MCPH1: variants seen among roughly 807,000 people sequenced by gnomAD.
The protein encoded by MCPH1 is microcephalin.
In MCPH1, 104 loss-of-function variants were observed where a neutral mutation model predicts 84.5. The ratio of observed to expected loss-of-function variants is 1.23; its 90% CI spans 1.05 to 1.45. MCPH1 has a LOEUF of 1.45. Ranked by LOEUF, MCPH1 falls within the 40% of genes most tolerant of loss-of-function variation. MCPH1 has a pLI of 0.00. For synonymous variants in MCPH1, 514 were observed against 366.8 expected (o/e 1.40, Z -4.58); for missense variants, 1,498 against 1,005.7 (o/e 1.49, Z -6.62).
intron 12 of MCPH1, among the ~76,000 whole-genome samples, chr8:6,584,901 C>G (rs1435120043): frequency 6.6e-6 from 1 of 152,188 alleles, no homozygotes; most frequent in Non-Finnish European, 1.5e-5. Context: ...CAGAGATAAT[C>G]TCAGAAATAT....
At position 6,648,135 on chromosome 8, in the gene MCPH1, G is replaced by A. The variant is rs1192522204; in HGVS notation, c.*5086G>A. 6.6e-6 allele frequency: 1 copy of A among 152,144 alleles called. No individual in the cohort carries two copies. Among genetic ancestry groups the A allele is most frequent in the East Asian group, 1.9e-4 (1 of 5,186 alleles). 9.4% of individuals were successfully genotyped at this position (152,144 alleles called of 1,614,324 possible). On this transcript the variant is annotated 3_prime_UTR_variant, in exon 14 of 14. Transcript: ENST00000344683. Reference sequence around the variant, plus strand: ...CTCTGCAGTCCCCAGCCAATACGTGGGCACAGAAAGGCACAGGGCATGGCT... The same window carrying A: ...CTCTGCAGTCCCCAGCCAATACGTGAGCACAGAAAGGCACAGGGCATGGCT...
intron 3 of MCPH1, among the ~76,000 whole-genome samples, chr8:6,428,636 T>G (rs1320044249): frequency 1.2e-4 from 19 of 152,260 alleles, no homozygotes; most frequent in Admixed American, 1.2e-3. Context: ...CATGTCTGGC[T>G]TCTTTCTCTT....
At chr8:6,527,314 A>G (rs1484588584) in intron 12 of MCPH1, among the ~76,000 whole-genome samples, 1 of 152,178 alleles carries the variant, frequency 6.6e-6, no homozygotes, top group African/African-American at 2.4e-5. Context: ...TTGGAGGATT[A>G]CTCTAAGAGG....
intron 12 of MCPH1, among the ~76,000 whole-genome samples, chr8:6,512,003 A>G (rs1451873672): frequency 6.6e-6 from 1 of 151,972 alleles, no homozygotes; most frequent in Non-Finnish European, 1.5e-5. Flanking sequence ...TTGTGTCTCA[A>G]AATTCATTGA....
At chr8:6,535,375 A>T (rs1820294525) in intron 12 of MCPH1, among the ~76,000 whole-genome samples, 1 of 152,210 alleles carries the variant, frequency 6.6e-6, no homozygotes, top group Non-Finnish European at 1.5e-5. Flanking sequence ...CCCAATTTTA[A>T]AAAATAAAAT....
In MCPH1 at chr8:6,443,825, A is replaced by G. The variant is rs116096623; in HGVS notation, c.671-568A>G. On this transcript the variant is annotated intron_variant, in intron 7 of 13. Coordinates refer to ENST00000344683, the MANE Select transcript of MCPH1 (RefSeq NM_024596.5). Reference sequence around the variant, plus strand: ...AGGCCCAGAGGGTACAGAGGAGTATAGAATATTTAGGAGGTAGCAGCAGCT... The same window carrying G: ...AGGCCCAGAGGGTACAGAGGAGTATGGAATATTTAGGAGGTAGCAGCAGCT... Among the ~76,000 whole-genome samples, 238 of 152,334 alleles carry G rather than the reference A, an allele frequency of 1.6e-3. 2 individuals carry two copies. The highest frequency in any genetic ancestry group is 5.4e-3 in the African/African-American group (223 of 41,574).
chr8:6,471,327 T>C (rs57804372), intron 9 of MCPH1, among the ~76,000 whole-genome samples: 23,965 of 152,176 alleles, frequency 0.16, 2,011 homozygotes, highest in Middle Eastern at 0.25. Context: ...CCACTGTTTT[T>C]AGTTATGTCC....
intron 12 of MCPH1, chr8:6,519,820 C>G: frequency 6.2e-7 from 1 of 1,604,078 alleles, no homozygotes; most frequent in Non-Finnish European, 8.5e-7. Context: ...CTAAAGTGGC[C>G]TGCCTAGAGC....
At chr8:6,633,255 G>C (rs1162208382) in intron 13 of MCPH1, among the ~76,000 whole-genome samples, 1 of 152,120 alleles carries the variant, frequency 6.6e-6, no homozygotes, top group Non-Finnish European at 1.5e-5. Flanking sequence ...GACACATTTT[G>C]TTTGCATGTC....
intron 13 of MCPH1, among the ~76,000 whole-genome samples, chr8:6,627,679 C>G (rs555602631): frequency 6.6e-6 from 1 of 151,972 alleles, no homozygotes; most frequent in East Asian, 1.9e-4. Context: ...TCGTTTGAGC[C>G]CAGCAGCTCG....
chr8:6,642,341 G>A (rs1266914539), intron 13 of MCPH1, among the ~76,000 whole-genome samples: 1 of 152,160 alleles, frequency 6.6e-6, no homozygotes, highest in Non-Finnish European at 1.5e-5. Context: ...GTTTCCGCCA[G>A]CTGCCAGGAT....
intron 12 of MCPH1, among the ~76,000 whole-genome samples, chr8:6,523,635 G>A (rs992407540): frequency 1.3e-5 from 2 of 152,108 alleles, no homozygotes; most frequent in African/African-American, 4.8e-5. Flanking sequence ...TGTGGCCTGG[G>A]CTGTTGTGCA....
At chr8:6,486,804 T>C (rs1809982835) in intron 11 of MCPH1, among the ~76,000 whole-genome samples, 1 of 152,214 alleles carries the variant, frequency 6.6e-6, no homozygotes, top group African/African-American at 2.4e-5. Context: ...GAAATTAATT[T>C]GACCAAAGTG....
intron 12 of MCPH1, among the ~76,000 whole-genome samples, chr8:6,550,396 G>T (rs577842769): frequency 6.6e-6 from 1 of 152,320 alleles, no homozygotes; most frequent in South Asian, 2.1e-4. Context: ...AGACACGTGC[G>T]GTGACCCCGT....
rs1342274253 is a variant in MCPH1 at position 6,445,268 on chromosome 8, G to A, written c.1546G>A (p.Glu516Lys). 2 of 1,614,200 alleles carry A rather than the reference G, an allele frequency of 1.2e-6. No homozygotes were observed. The highest frequency in any genetic ancestry group is 1.6e-4 in the Middle Eastern group (1 of 6,062). Reference protein sequence around the residue: ...ALRCCRQAGKEDACPEGNGFS... With the variant: ...ALRCCRQAGKKDACPEGNGFS... ...AAGGTGTTGTAGACAGGCTGGGAAAGAAGACGCATGCCCAGAGGGAAATGG... is the reference window on the plus strand; with the variant it reads ...AAGGTGTTGTAGACAGGCTGGGAAAAAAGACGCATGCCCAGAGGGAAATGG... The change falls in exon 8 of 14, where the codon GAA becomes AAA. Residue 516 changes from glutamate (E) to lysine (K), a missense_variant. Transcript: ENST00000344683.
At chr8:6,432,663 C>G (rs145490270) in intron 4 of MCPH1, among the ~76,000 whole-genome samples, 1 of 152,224 alleles carries the variant, frequency 6.6e-6, no homozygotes, top group African/African-American at 2.4e-5. Flanking sequence ...TTCCTGTAGA[C>G]TAGAGGAGAA....
At chr8:6,412,923 C>T (rs1032855595) in intron 2 of MCPH1, among the ~76,000 whole-genome samples, 53 of 152,182 alleles carry the variant, frequency 3.5e-4, no homozygotes, top group African/African-American at 1.2e-3. Flanking sequence ...AAACCAGCAA[C>T]GCTTTGCAGT....
chr8:6,440,176 T>C (rs1272212184), intron 6 of MCPH1, among the ~76,000 whole-genome samples: 2 of 152,232 alleles, frequency 1.3e-5, no homozygotes, highest in Non-Finnish European at 2.9e-5. Context: ...GGTATTTTTT[T>C]CCCAGTTATT....
intron 10 of MCPH1, among the ~76,000 whole-genome samples, chr8:6,478,481 A>G (rs1375647862): frequency 1.3e-5 from 2 of 152,228 alleles, no homozygotes; most frequent in South Asian, 2.1e-4. Flanking sequence ...AAAAATTACT[A>G]GTTAACTGCT....
Sources: allele counts gnomAD v4.1 joint callset (sites outside exome capture counted in the v4.1 genomes callset), GRCh38; gene constraint gnomAD v4.1.1; transcripts MANE v1.5; gene names NCBI Gene and HGNC (gene_info 2026-07-23, HGNC 2026-07-21).